Variants in SCHIP1 observed in about 807,000 individuals in gnomAD.
The protein encoded by SCHIP1 is schwannomin-interacting protein 1.
SCHIP1 carries 8 observed loss-of-function variants against 29.7 expected under a neutral mutation model. The observed-to-expected ratio is 0.27, with a 90% CI of 0.16 to 0.49. The LOEUF is 0.49. Ranked by LOEUF, SCHIP1 falls within the 20% of genes least tolerant of loss-of-function variation. The pLI is 0.99. For missense variants in SCHIP1, 193 were observed against 294.6 expected, an observed-to-expected ratio of 0.66 and a Z score of 2.52; for synonymous variants, 76 against 94.9, an observed-to-expected ratio of 0.80 and a Z score of 1.16.
the SCHIP1 span, among the ~76,000 whole-genome samples, chr3:159,638,662 G>T: frequency 8.5e-4 from 128 of 150,826 alleles, no homozygotes; most frequent in Admixed American, 1.9e-3. Context: ...TCTGCCATTT[G>T]ATAGCGTTAT....
the SCHIP1 span, among the ~76,000 whole-genome samples, chr3:159,776,537 G>C: frequency 6.6e-6 from 1 of 152,068 alleles, no homozygotes; most frequent in Non-Finnish European, 1.5e-5. Context: ...TAATCTGTTA[G>C]AGTTGTTATC....
chr3:159,681,295 A>T, the SCHIP1 span, among the ~76,000 whole-genome samples: 6 of 152,206 alleles, frequency 3.9e-5, no homozygotes, highest in East Asian at 1.9e-4. Flanking sequence ...ATGGGGAAAA[A>T]AAAAAAAAGA....
At chr3:159,407,565 A>C in the SCHIP1 span, among the ~76,000 whole-genome samples, 1 of 152,228 alleles carries the variant, frequency 6.6e-6, no homozygotes, top group Non-Finnish European at 1.5e-5. Flanking sequence ...CATTTCATCC[A>C]ATGGCTACAA....
chr3:159,703,702 A>C, the SCHIP1 span, among the ~76,000 whole-genome samples: 1 of 152,180 alleles, frequency 6.6e-6, no homozygotes, highest in South Asian at 2.1e-4. Flanking sequence ...AGGCTGTCAA[A>C]TTTTTATTCT....
At chr3:159,611,690 A>T in the SCHIP1 span, among the ~76,000 whole-genome samples, 1 of 152,172 alleles carries the variant, frequency 6.6e-6, no homozygotes, top group African/African-American at 2.4e-5. Flanking sequence ...AGAACTTAAC[A>T]AAAAAAGAGC....
the SCHIP1 span, among the ~76,000 whole-genome samples, chr3:159,750,594 G>A: frequency 6.6e-6 from 1 of 152,056 alleles, no homozygotes; most frequent in African/African-American, 2.4e-5. Context: ...TCCTTGGCCT[G>A]ATGAAAATAG....
the SCHIP1 span, among the ~76,000 whole-genome samples, chr3:159,388,157 A>C: frequency 6.6e-6 from 1 of 152,258 alleles, no homozygotes; most frequent in East Asian, 1.9e-4. Flanking sequence ...AAGGAGAGCA[A>C]ATTATAATTT....
chr3:159,656,220 T>C, the SCHIP1 span, among the ~76,000 whole-genome samples: 8 of 152,210 alleles, frequency 5.3e-5, no homozygotes, highest in African/African-American at 1.9e-4. Context: ...GGGTACTTCA[T>C]ATACATGAAC....
the SCHIP1 span, among the ~76,000 whole-genome samples, chr3:159,635,906 AAG>A: frequency 6.6e-6 from 1 of 152,178 alleles, no homozygotes; most frequent in African/African-American, 2.4e-5. Flanking sequence ...ATTTGGGAGA[AAG>A]AGGAAAGTAT....
the SCHIP1 span, among the ~76,000 whole-genome samples, chr3:159,443,595 G>A: frequency 1.3e-5 from 2 of 151,988 alleles, no homozygotes; most frequent in African/African-American, 4.8e-5. Context: ...TGCAACCTCT[G>A]CCTCCGGGGT....
the SCHIP1 span, among the ~76,000 whole-genome samples, chr3:159,626,112 A>C: frequency 1.7e-3 from 203 of 120,698 alleles, 12 homozygotes; most frequent in African/African-American, 0.01. Flanking sequence ...ATAGATAGAT[A>C]GATAGATAGA....
chr3:159,554,020 TTGTGTATGTGTG>T, the SCHIP1 span, among the ~76,000 whole-genome samples: 1 of 66,636 alleles, frequency 1.5e-5, no homozygotes, highest in African/African-American at 6.7e-5. Flanking sequence ...GTGTGTGTGT[TTGTGTATGTGTG>T]TGTGTGTGTG....
the SCHIP1 span, among the ~76,000 whole-genome samples, chr3:159,580,317 A>T: frequency 2.0e-5 from 3 of 152,200 alleles, no homozygotes; most frequent in Non-Finnish European, 4.4e-5. Flanking sequence ...TTAATTAAGC[A>T]TGTCTAAGTG....
chr3:159,711,799 G>C, the SCHIP1 span, among the ~76,000 whole-genome samples: 1 of 152,224 alleles, frequency 6.6e-6, no homozygotes, highest in Non-Finnish European at 1.5e-5. Flanking sequence ...GTTGAGGCCA[G>C]GCCTCCAGGA....
the SCHIP1 span, among the ~76,000 whole-genome samples, chr3:159,815,578 C>T: frequency 6.6e-6 from 1 of 152,200 alleles, no homozygotes; most frequent in Admixed American, 6.5e-5. Flanking sequence ...CAGCATTCTC[C>T]ACCTTCATTT....
the SCHIP1 span, among the ~76,000 whole-genome samples, chr3:159,459,967 T>C: frequency 6.6e-6 from 1 of 152,160 alleles, no homozygotes; most frequent in Admixed American, 6.5e-5. Flanking sequence ...TCCAGAATTA[T>C]GATAAAATGA....
chr3:159,511,281 A>G, the SCHIP1 span, among the ~76,000 whole-genome samples: 6 of 152,234 alleles, frequency 3.9e-5, no homozygotes, highest in African/African-American at 1.4e-4. Context: ...TGCAGGATAT[A>G]GTCTCCTGGT....
At chr3:159,273,467 C>T in the SCHIP1 span, 1 of 1,066,302 alleles carries the variant, frequency 9.4e-7, no homozygotes. Context: ...TTCTTTTCTG[C>T]ATTAAGATCA....
the SCHIP1 span, among the ~76,000 whole-genome samples, chr3:159,374,602 A>C: frequency 6.6e-6 from 1 of 152,232 alleles, no homozygotes; most frequent in African/African-American, 2.4e-5. Context: ...AAAAATTATT[A>C]AGAATTTAGA....
Sources: gnomAD v4.1 joint callset for allele counts (sites outside exome capture counted in the v4.1 genomes callset) on GRCh38, gnomAD v4.1.1 for gene constraint, MANE v1.5 for transcripts, NCBI Gene and HGNC (gene_info 2026-07-23, HGNC 2026-07-21) for gene names.